TBC1D23: variants seen among roughly 807,000 people sequenced by gnomAD.
TBC1D23 encodes the protein TBC1 domain family member 23.
In TBC1D23, 55 loss-of-function variants were observed where a neutral mutation model predicts 91.4. That is an observed-to-expected ratio of 0.60 (90% confidence interval 0.48 to 0.75). TBC1D23 has a LOEUF of 0.75. Ranked by LOEUF, TBC1D23 falls within the 30% of genes least tolerant of loss-of-function variation. TBC1D23 has a pLI of 0.00. For missense variants in TBC1D23, 725 were observed against 836.1 expected (o/e 0.87, Z 1.64); for synonymous variants, 289 against 281.0 (o/e 1.03, Z -0.28).
chr3:100,322,925 T>A (rs1445697602), intron 18 of TBC1D23, among the ~76,000 whole-genome samples: 1 of 152,170 alleles, frequency 6.6e-6, no homozygotes, highest in African/African-American at 2.4e-5. Flanking sequence ...AATTGTTAGG[T>A]TTTACCGAAG....
chr3:100,281,705 CAT>C (rs1246945747), intron 2 of TBC1D23, 35 bp from the exon 3 acceptor site: 2 of 1,299,042 alleles, frequency 1.5e-6, no homozygotes, highest in South Asian at 1.2e-5. Flanking sequence ...TGAGGAATAA[CAT>C]ATGAAGCTAG....
intron 12 of TBC1D23, 87 bp downstream of exon 12, chr3:100,304,975 ATTAG>A (rs1443264764): frequency 7.9e-6 from 6 of 757,546 alleles, no homozygotes; most frequent in Admixed American, 2.3e-5. Context: ...GAGTGGTCAC[ATTAG>A]TTAAAGGGTA....
intron 1 of TBC1D23, among the ~76,000 whole-genome samples, chr3:100,269,200 G>T (rs1420267804): frequency 3.3e-5 from 5 of 152,142 alleles, no homozygotes; most frequent in Admixed American, 2.0e-4. Context: ...GCCTTGTGAA[G>T]CCAAGAGGAC....
intron 4 of TBC1D23, among the ~76,000 whole-genome samples, chr3:100,288,830 GT>G (rs1169495398): frequency 6.6e-6 from 1 of 152,206 alleles, no homozygotes; most frequent in Non-Finnish European, 1.5e-5. Context: ...TCAGCATCTT[GT>G]TAACAGTAAC....
At chr3:100,313,923 A>G (rs1366284102) in intron 15 of TBC1D23, among the ~76,000 whole-genome samples, 1 of 141,766 alleles carries the variant, frequency 7.1e-6, no homozygotes, top group South Asian at 2.4e-4. Flanking sequence ...ATATTTTAAC[A>G]TAAAACCAAA....
At chr3:100,316,549 C>G (rs188116758) in intron 16 of TBC1D23, among the ~76,000 whole-genome samples, 1 of 152,098 alleles carries the variant, frequency 6.6e-6, no homozygotes, top group Admixed American at 6.6e-5. Flanking sequence ...GAGGTTTAAA[C>G]TGATGATAAT....
intron 1 of TBC1D23, among the ~76,000 whole-genome samples, chr3:100,266,597 T>A (rs561961346): frequency 3.9e-5 from 6 of 152,320 alleles, no homozygotes; most frequent in African/African-American, 1.4e-4. Context: ...AATAATTCAC[T>A]TCTAGGATTT....
chr3:100,278,942 A>G lies in TBC1D23; in HGVS notation c.54-707A>G, dbSNP rs2067672980. Among the ~76,000 whole-genome samples the G allele has an allele frequency of 2.0e-5, 3 of 152,180 alleles. No individual in the cohort carries two copies. In the South Asian group the frequency reaches 6.2e-4, roughly 31 times the overall value. The stretch of plus-strand genomic sequence containing the variant: ...TTGTAGGCTAGGCACTGCTCTAGGC[A>G]TGATACTGATGTAGTCATTTACTAA... On this transcript the variant is annotated intron_variant, in intron 1 of 18. Transcript: ENST00000394144.
Position 100,325,189 on chromosome 3 carries a change from G to A in TBC1D23, c.*1521G>A, listed in dbSNP as rs1330343705. ...ATAATATTAATGTAAAGATGTTTGTGTTACTGTTTATAAATTACAATTGTA... is the reference window on the plus strand; with the variant it reads ...ATAATATTAATGTAAAGATGTTTGTATTACTGTTTATAAATTACAATTGTA... On this transcript the variant is annotated 3_prime_UTR_variant, in exon 19 of 19. Coordinates refer to ENST00000394144, the MANE Select transcript of TBC1D23 (RefSeq NM_001199198.3). 5 of 152,188 alleles carry A rather than the reference G, an allele frequency of 3.3e-5. No individual in the cohort carries two copies. In the East Asian group the frequency reaches 9.6e-4, roughly 29 times the overall value. 9.4% of individuals were successfully genotyped at this position (152,188 alleles called of 1,614,324 possible). A position where few individuals can be genotyped will look rare whatever the true frequency, so the allele number is the denominator to read the frequency against.
intron 4 of TBC1D23, among the ~76,000 whole-genome samples, chr3:100,290,324 C>T (rs922866886): frequency 4.6e-5 from 7 of 152,110 alleles, no homozygotes; most frequent in African/African-American, 1.7e-4. Context: ...TTTCAGTGAT[C>T]CCTGTAGTTC....
chr3:100,310,305 T>C, intron 13 of TBC1D23, 98 bp from the exon 14 acceptor site: 1 of 1,058,638 alleles, frequency 9.4e-7, no homozygotes, highest in Non-Finnish European at 1.4e-6. Context: ...ATGATTTTGG[T>C]GGGATTGCAA....
At chr3:100,307,572 A>C (rs1705536441) in intron 13 of TBC1D23, among the ~76,000 whole-genome samples, 1 of 152,234 alleles carries the variant, frequency 6.6e-6, no homozygotes, top group Admixed American at 6.5e-5. Context: ...TACCTGTGTT[A>C]GTTGAGGTTT....
At chr3:100,263,858 C>T (rs1179353390) in intron 1 of TBC1D23, among the ~76,000 whole-genome samples, 1 of 152,120 alleles carries the variant, frequency 6.6e-6, no homozygotes, top group African/African-American at 2.4e-5. Context: ...TTCACATGGG[C>T]AGAGGACATG....
chr3:100,261,185 G>A, intron 1 of TBC1D23, 114 bp downstream of exon 1: 1 of 1,031,076 alleles, frequency 9.7e-7, no homozygotes, highest in Non-Finnish European at 1.5e-6. Context: ...CCGGTCCTAG[G>A]CGAAGTCCGG....
intron 1 of TBC1D23, among the ~76,000 whole-genome samples, chr3:100,274,881 G>A (rs10936157): frequency 0.51 from 74,736 of 146,684 alleles, 19,650 homozygotes; most frequent in East Asian, 0.58. Context: ...ATATATCTAT[G>A]CATACAGTAC....
chr3:100,293,534 G>A (rs571241607), intron 5 of TBC1D23, among the ~76,000 whole-genome samples: 34 of 152,322 alleles, frequency 2.2e-4, no homozygotes, highest in African/African-American at 7.9e-4. Flanking sequence ...ACCACTGTGA[G>A]CAATGCAGTG....
rs1336778310 is a variant in TBC1D23 at position 100,299,295 on chromosome 3, G to A, written c.1056G>A (p.Gly352=). 3 of 1,612,244 alleles carry A rather than the reference G, an allele frequency of 1.9e-6. No homozygotes were observed. The highest frequency in any genetic ancestry group is 3.3e-5 in the Admixed American group (2 of 59,956). The change falls in exon 10 of 19, where the codon GGG becomes GGA. Residue 352 remains glycine (G), a synonymous_variant. Transcript: ENST00000394144. Reference sequence around the variant, plus strand: ...GTCCTGCAGAACAATATAATGCTGGGCATTTATCAACTGCTTTCCACTTAG... The same window carrying A: ...GTCCTGCAGAACAATATAATGCTGGACATTTATCAACTGCTTTCCACTTAG... ...DCRPAEQYNA[G]HLSTAFHLDS...
chr3:100,281,945 G>A (rs762458177), intron 3 of TBC1D23, 98 bp downstream of exon 3: 8 of 651,944 alleles, frequency 1.2e-5, no homozygotes, highest in Non-Finnish European at 1.8e-5. Context: ...TTCAGAATTT[G>A]TAAAAGGCTT....
At chr3:100,310,299 T>G in intron 13 of TBC1D23, 104 bp from the exon 14 acceptor site, 4 of 1,011,926 alleles carry the variant, frequency 4.0e-6, no homozygotes, top group South Asian at 1.6e-5. Context: ...CAACATATGA[T>G]TTTGGTGGGA....
Sources: allele counts gnomAD v4.1 joint callset (sites outside exome capture counted in the v4.1 genomes callset), GRCh38; gene constraint gnomAD v4.1.1; transcripts MANE v1.5; gene names NCBI Gene and HGNC (gene_info 2026-07-23, HGNC 2026-07-21).